Variants in PRDM10 observed in about 807,000 individuals in gnomAD.
PRDM10 encodes the protein PR/SET domain 10.
Under a neutral mutation model 133.1 loss-of-function variants are expected in PRDM10, and 65 were observed. That is an observed-to-expected ratio of 0.49 (90% confidence interval 0.40 to 0.60). PRDM10 has a LOEUF of 0.60. PRDM10 is among the 20% of genes least tolerant of loss of function. PRDM10 has a pLI of 0.00. For synonymous variants in PRDM10, 582 were observed against 580.4 expected, an observed-to-expected ratio of 1.00 and a Z score of -0.04; for missense variants, 1,137 against 1,507.1, an observed-to-expected ratio of 0.75 and a Z score of 4.07.
intron 14 of PRDM10, 126 bp from the exon 15 acceptor site, chr11:129,917,363 G>T: frequency 2.9e-6 from 2 of 693,750 alleles, no homozygotes; most frequent in Non-Finnish European, 4.8e-6. Flanking sequence ...CAAATAATAA[G>T]GCATTTGGCC....
At chr11:129,969,194 T>G (rs1218471660) in intron 1 of PRDM10, among the ~76,000 whole-genome samples, 1 of 152,248 alleles carries the variant, frequency 6.6e-6, no homozygotes, top group African/African-American at 2.4e-5. Context: ...TTTCAACGAA[T>G]ATACACTAGC....
At chr11:129,943,038 C>T (rs1951265942) in intron 6 of PRDM10, among the ~76,000 whole-genome samples, 1 of 152,146 alleles carries the variant, frequency 6.6e-6, no homozygotes, top group Non-Finnish European at 1.5e-5. Flanking sequence ...AAGTAATATT[C>T]TTGCTAGGAG....
chr11:129,937,717 G>A, intron 7 of PRDM10, 47 bp from the exon 8 acceptor site: 1 of 1,511,532 alleles, frequency 6.6e-7, no homozygotes, highest in South Asian at 1.2e-5. Context: ...ATCACCAGAT[G>A]TTCTTTGCAT....
chr11:129,926,645 C>T (rs566707538), intron 11 of PRDM10, among the ~76,000 whole-genome samples: 2 of 152,112 alleles, frequency 1.3e-5, no homozygotes, highest in Admixed American at 6.5e-5. Flanking sequence ...CTTCTCTAAC[C>T]GGGCTAGGAG....
chr11:129,961,021 G>C lies in PRDM10; in HGVS notation c.-57C>G. On this transcript the variant is annotated 5_prime_UTR_variant, in exon 2 of 21. Coordinates refer to ENST00000360871, the MANE Select transcript of PRDM10 (RefSeq NM_199437.2). ...ACACCTAGAGCAGCACAGGGTACAG[G>C]ACAGTCATCTGTCTACCACACGTGT... 6.5e-7 allele frequency: 1 copy of C among 1,528,858 alleles called. No individual in the cohort carries two copies. The highest frequency in any genetic ancestry group is 2.3e-5 in the East Asian group (1 of 44,328). The allele number at this position is 1,528,858 out of a possible 1,614,324, so 94.7% of individuals were successfully genotyped here. A position where few individuals can be genotyped will look rare whatever the true frequency, so the allele number is the denominator to read the frequency against.
chr11:129,923,514 C>G lies in PRDM10; in HGVS notation c.1879-111G>C. On this transcript the variant is annotated intron_variant, in intron 12 of 20. Transcript: ENST00000360871. The surrounding 1 kb of genome is among the most constrained non-coding windows in gnomAD (Gnocchi z 4.4). ...CAAACGCATTACCATGGGTTTTCAT[C>G]AACCCCGCCGAGGAATCCAATCAGA... is the stretch of plus-strand genomic sequence containing the variant. 3.4e-6 allele frequency: 4 copies of G among 1,190,526 alleles called. No individual in the cohort carries two copies. The highest frequency in any genetic ancestry group is 4.6e-6 in the Non-Finnish European group (4 of 876,208). 73.7% of individuals were successfully genotyped at this position (1,190,526 alleles called of 1,614,324 possible).
chr11:129,971,251 C>T (rs1351746925), intron 1 of PRDM10, among the ~76,000 whole-genome samples: 1 of 152,116 alleles, frequency 6.6e-6, no homozygotes, highest in Non-Finnish European at 1.5e-5. Context: ...GAAGGGGACC[C>T]GAGCGAGTTG....
chr11:129,965,032 G>A (rs1038358817), intron 1 of PRDM10, among the ~76,000 whole-genome samples: 16 of 152,084 alleles, frequency 1.1e-4, no homozygotes, highest in Non-Finnish European at 1.8e-4. Flanking sequence ...TTGGCTGGGC[G>A]AGGTGGCTCA....
At chr11:129,910,061 G>C (rs969451546) in intron 19 of PRDM10, among the ~76,000 whole-genome samples, 2 of 152,190 alleles carry the variant, frequency 1.3e-5, no homozygotes, top group East Asian at 3.8e-4. Flanking sequence ...TGTAGTAAGA[G>C]CTTAATGAAA....
At chr11:129,997,882 A>G (rs1939145452) in intron 1 of PRDM10, among the ~76,000 whole-genome samples, 1 of 152,224 alleles carries the variant, frequency 6.6e-6, no homozygotes, top group Admixed American at 6.5e-5. Flanking sequence ...GAGAGCTATC[A>G]TAAGCACTAA....
intron 7 of PRDM10, among the ~76,000 whole-genome samples, chr11:129,939,597 G>A (rs940097472): frequency 6.6e-6 from 1 of 152,134 alleles, no homozygotes; most frequent in African/African-American, 2.4e-5. Flanking sequence ...CACAAACCTG[G>A]TCAAGCTCTT....
intron 1 of PRDM10, among the ~76,000 whole-genome samples, chr11:129,980,062 A>C (rs11221919): frequency 1.3e-5 from 2 of 152,150 alleles, no homozygotes; most frequent in African/African-American, 4.8e-5. Context: ...TGGCCAGGAT[A>C]TGCTGAGATC....
intron 1 of PRDM10, among the ~76,000 whole-genome samples, chr11:129,988,589 A>C (rs1565513873): frequency 6.6e-6 from 1 of 151,332 alleles, no homozygotes; most frequent in Non-Finnish European, 1.5e-5. Context: ...ATTTCAGTAA[A>C]GCTGTTCTTA....
chr11:129,969,981 G>C (rs567209264), intron 1 of PRDM10, among the ~76,000 whole-genome samples: 2 of 152,126 alleles, frequency 1.3e-5, no homozygotes, highest in Non-Finnish European at 2.9e-5. Context: ...TTAAGATACT[G>C]AGTTATAAAA....
At chr11:129,989,659 T>C (rs1163072355) in intron 1 of PRDM10, among the ~76,000 whole-genome samples, 1 of 152,206 alleles carries the variant, frequency 6.6e-6, no homozygotes, top group Non-Finnish European at 1.5e-5. Flanking sequence ...CTGGTTAATG[T>C]ATAGAGGCAC....
At position 129,942,556 on chromosome 11, in the gene PRDM10, G is replaced by A. The variant is rs151309947; in HGVS notation, c.836C>T (p.Thr279Met). Reference sequence around the variant, plus strand: ...TACAAACATCATCCAGTTACAAAGCGTCTCATCAGACAACTCAAACCATAG... The same window carrying A: ...TACAAACATCATCCAGTTACAAAGCATCTCATCAGACAACTCAAACCATAG... Reference protein sequence around the residue: ...EDLWFELSDETLCNWMMFVRP... With the variant: ...EDLWFELSDEMLCNWMMFVRP... Residue 279 changes from threonine (T) to methionine (M), a missense_variant, in exon 7 of 21, where the codon ACG becomes ATG. Transcript: ENST00000360871. The A allele has an allele frequency of 3.0e-4, 481 of 1,613,608 alleles. 1 individual carries two copies. Among genetic ancestry groups the A allele is most frequent in the Non-Finnish European group, 3.5e-4 (412 of 1,179,874 alleles).
intron 1 of PRDM10, among the ~76,000 whole-genome samples, chr11:129,997,494 GA>G (rs150057736): frequency 0.12 from 17,321 of 142,654 alleles, 1,214 homozygotes; most frequent in African/African-American, 0.22. Flanking sequence ...AACAGAAAAG[GA>G]AAAAAAAAAG....
At chr11:129,931,877 C>A (rs964369424) in intron 10 of PRDM10, among the ~76,000 whole-genome samples, 5 of 152,130 alleles carry the variant, frequency 3.3e-5, no homozygotes, top group African/African-American at 7.2e-5. Flanking sequence ...CAAGTCCGGT[C>A]AATTTTAAAT....
At position 129,989,106 on chromosome 11, in the gene PRDM10, C is replaced by T. The variant is rs371646913; in HGVS notation, c.-119+13616G>A. Among the ~76,000 whole-genome samples, 27 of 152,302 alleles carry T rather than the reference C, an allele frequency of 1.8e-4. No homozygotes were observed. The East Asian group carries it at 3.1e-3, about 17-fold the overall frequency. On this transcript the variant is annotated intron_variant, in intron 1 of 20. Transcript: ENST00000360871. ...CAATTGGTCTACAGTTCCCACACTTCATGAACTGGTTGCACCAGAGTAACA... is the reference window on the plus strand; with the variant it reads ...CAATTGGTCTACAGTTCCCACACTTTATGAACTGGTTGCACCAGAGTAACA...
Sources: allele counts gnomAD v4.1 joint callset (sites outside exome capture counted in the v4.1 genomes callset), GRCh38; gene constraint gnomAD v4.1.1; non-coding constraint Gnocchi (gnomAD v3.1); transcripts MANE v1.5; gene names NCBI Gene and HGNC (gene_info 2026-07-23, HGNC 2026-07-21).